The following APBA1 variants were observed in gnomAD, a reference collection of about 807,000 sequenced individuals.
The protein encoded by APBA1 is amyloid-beta A4 precursor protein-binding family A member 1.
Under a neutral mutation model 86.6 loss-of-function variants are expected in APBA1, and 55 were observed. That is an observed-to-expected ratio of 0.64 (90% CI 0.51 to 0.80). The LOEUF (loss-of-function observed/expected upper bound fraction) is 0.80. Ranked by LOEUF, APBA1 falls within the 30% of genes least tolerant of loss-of-function variation. APBA1 has a pLI of 0.00. For synonymous variants in APBA1, 511 were observed against 493.9 expected, an observed-to-expected ratio of 1.03 and a Z score of -0.46; for missense variants, 1,090 against 1,183.0, an observed-to-expected ratio of 0.92 and a Z score of 1.15.
At chr9:69,565,079 A>G (rs1214448301) in intron 1 of APBA1, among the ~76,000 whole-genome samples, 1 of 152,254 alleles carries the variant, frequency 6.6e-6, no homozygotes, top group Admixed American at 6.5e-5. Flanking sequence ...TAAAGCTAAG[A>G]GAAGAAAATG....
At chr9:69,472,896 A>G (rs1835387367) in intron 3 of APBA1, among the ~76,000 whole-genome samples, 1 of 152,244 alleles carries the variant, frequency 6.6e-6, no homozygotes, top group African/African-American at 2.4e-5. Flanking sequence ...GTCTAAAAAT[A>G]GTAGTTTTAA....
At chr9:69,518,043 T>C (rs956576179) in intron 1 of APBA1, among the ~76,000 whole-genome samples, 10 of 152,200 alleles carry the variant, frequency 6.6e-5, no homozygotes, top group Non-Finnish European at 1.5e-4. Flanking sequence ...CAATGTTACA[T>C]AGCAGCTGGT....
chr9:69,522,244 T>C lies in APBA1; in HGVS notation c.-69-4965A>G, dbSNP rs559084305. 6.6e-5 allele frequency among the ~76,000 whole-genome samples: 10 copies of C among 152,034 alleles called. No individual in the cohort carries two copies. The South Asian group carries it at 2.1e-3, about 32-fold the overall frequency. ...ATTTTCTGATGCCAAGCACAGAGGG[T>C]ATACAGAAGGTGGTAAAGGAATTTT... is the stretch of plus-strand genomic sequence containing the variant. On this transcript the variant is annotated intron_variant, in intron 1 of 12. Coordinates refer to ENST00000265381, the MANE Select transcript of APBA1 (RefSeq NM_001163.4).
At chr9:69,451,217 A>G (rs1032936604) in intron 9 of APBA1, among the ~76,000 whole-genome samples, 3 of 152,160 alleles carry the variant, frequency 2.0e-5, no homozygotes, top group African/African-American at 7.2e-5. Context: ...GCTCATGTCC[A>G]AGGGACCACA....
At chr9:69,575,852 C>G (rs1821784278) in intron 1 of APBA1, among the ~76,000 whole-genome samples, 1 of 152,148 alleles carries the variant, frequency 6.6e-6, no homozygotes, top group Non-Finnish European at 1.5e-5. Context: ...CCAAAATTGA[C>G]AAATGGGATC....
chr9:69,473,526 C>T (rs1361601760), intron 3 of APBA1, among the ~76,000 whole-genome samples: 2 of 152,078 alleles, frequency 1.3e-5, no homozygotes, highest in Non-Finnish European at 2.9e-5. Context: ...TTTCTGAATG[C>T]TAGACAGTGT....
chr9:69,658,312 T>TTC (rs1440047993), intron 1 of APBA1, among the ~76,000 whole-genome samples: 3 of 75,572 alleles, frequency 4.0e-5, no homozygotes, highest in East Asian at 4.2e-4. Context: ...CTCTCTTTCT[T>TTC]TCTTTCTTTC....
At chr9:69,536,001 T>C (rs961277672) in intron 1 of APBA1, among the ~76,000 whole-genome samples, 1 of 151,692 alleles carries the variant, frequency 6.6e-6, no homozygotes, top group Non-Finnish European at 1.5e-5. Context: ...GTGATTCTAT[T>C]CATACTTAAA....
intron 1 of APBA1, among the ~76,000 whole-genome samples, chr9:69,632,937 G>A (rs1187845888): frequency 2.0e-5 from 3 of 151,996 alleles, no homozygotes; most frequent in African/African-American, 7.2e-5. Flanking sequence ...GAGAGAGGCA[G>A]GAAAGTGAGG....
At chr9:69,658,349 T>TCTTTC (rs1823681187) in intron 1 of APBA1, among the ~76,000 whole-genome samples, 2 of 145,954 alleles carry the variant, frequency 1.4e-5, no homozygotes, top group Non-Finnish European at 3.0e-5. Flanking sequence ...TTTCTTTCTT[T>TCTTTC]CTTTCTTTCT....
At chr9:69,558,224 C>A (rs928127087) in intron 1 of APBA1, among the ~76,000 whole-genome samples, 2 of 152,078 alleles carry the variant, frequency 1.3e-5, no homozygotes. Context: ...TTTTCTACCC[C>A]TTTGCTTTGT....
At chr9:69,574,434 C>T (rs1438502528) in intron 1 of APBA1, among the ~76,000 whole-genome samples, 1 of 152,138 alleles carries the variant, frequency 6.6e-6, no homozygotes, top group East Asian at 1.9e-4. Flanking sequence ...AAATTTTGGT[C>T]AGCAGAATAG....
intron 1 of APBA1, among the ~76,000 whole-genome samples, chr9:69,578,908 C>T (rs1041768101): frequency 1.3e-5 from 2 of 152,156 alleles, no homozygotes; most frequent in African/African-American, 4.8e-5. Context: ...ATATATTAGG[C>T]ACTGAACTGT....
At chr9:69,476,202 T>G in intron 2 of APBA1, 59 bp from the exon 3 acceptor site, 1 of 1,299,986 alleles carries the variant, frequency 7.7e-7, no homozygotes, top group Non-Finnish European at 1.1e-6. Flanking sequence ...GACACTTGGC[T>G]GGGGGAAAGG....
intron 1 of APBA1, among the ~76,000 whole-genome samples, chr9:69,542,609 A>G (rs1329933418): frequency 6.6e-6 from 1 of 152,262 alleles, no homozygotes; most frequent in Non-Finnish European, 1.5e-5. Context: ...GTGTGTGGAC[A>G]TAAGTTTTCA....
Position 69,516,550 on chromosome 9 carries a change from C to A in APBA1, c.661G>T (p.Asp221Tyr), listed in dbSNP as rs1286260724. The A allele has an allele frequency of 1.3e-6, 2 of 1,596,844 alleles. No homozygotes were observed. The highest frequency in any genetic ancestry group is 1.1e-5 in the South Asian group (1 of 90,628). The change falls in exon 2 of 13, where the codon GAC becomes TAC. Residue 221 changes from aspartate to tyrosine, a missense_variant. Transcript: ENST00000265381. The surrounding 1 kb of genome is among the most constrained non-coding windows in gnomAD (Gnocchi z 7.3). ...DGLRLYEQERDEAAAYRQEAL... is the reference protein window; with the variant it reads ...DGLRLYEQERYEAAAYRQEAL... ...TCCTGGCGGTACGCGGCCGCCTCGT[C>A]GCGCTCCTGCTCGTAGAGCCGCAGG...
rs976322068 is a variant in APBA1, at chr9:69,452,362, G to A, written c.1789-61C>T. On this transcript the variant is annotated intron_variant, in intron 8 of 12. Transcript: ENST00000265381. ...GGGCAGTGCACCTGGTGAGCGGCCTGGCGCACTTCCCACCTGAACAATGGC... is the reference window on the plus strand; with the variant it reads ...GGGCAGTGCACCTGGTGAGCGGCCTAGCGCACTTCCCACCTGAACAATGGC... 3.3e-6 allele frequency: 5 copies of A among 1,532,964 alleles called. No homozygotes were observed. The African/African-American group carries it at 6.8e-5, about 21-fold the overall frequency. The allele number at this position is 1,532,964 out of a possible 1,614,324, so 95.0% of individuals were successfully genotyped here.
At chr9:69,456,889 C>T (rs1835107223) in intron 7 of APBA1, among the ~76,000 whole-genome samples, 164 bp downstream of exon 7, 1 of 152,106 alleles carries the variant, frequency 6.6e-6, no homozygotes, top group African/African-American at 2.4e-5. Context: ...CAATCCCAAA[C>T]CCCACCCAGC....
chr9:69,537,524 C>T (rs1836532602), intron 1 of APBA1, among the ~76,000 whole-genome samples: 1 of 152,012 alleles, frequency 6.6e-6, no homozygotes, highest in Admixed American at 6.6e-5. Context: ...ACTTCCTTTC[C>T]CAAATTCTCT....
Sources: gnomAD v4.1 joint callset for allele counts (sites outside exome capture counted in the v4.1 genomes callset) on GRCh38, gnomAD v4.1.1 for gene constraint, Gnocchi (gnomAD v3.1) non-coding constraint, MANE v1.5 for transcripts, NCBI Gene and HGNC (gene_info 2026-07-23, HGNC 2026-07-21) for gene names.